The following TIAM1 variants were observed in gnomAD, a reference collection of about 807,000 sequenced individuals.
TIAM1 encodes the protein rho guanine nucleotide exchange factor TIAM1.
Under a neutral mutation model 163.5 loss-of-function variants are expected in TIAM1, and 65 were observed. That is an observed-to-expected ratio of 0.40 (90% confidence interval 0.33 to 0.49). The LOEUF is 0.49. Among genes scored for constraint, TIAM1 ranks in the 20% least tolerant of loss-of-function variants. The pLI is 0.77. For missense variants in TIAM1, 1,789 were observed against 2,044.7 expected (o/e 0.87, Z 2.41); for synonymous variants, 833 against 810.1 (o/e 1.03, Z -0.48).
chr21:31,338,253 GA>G (rs2147087575), intron 2 of TIAM1, among the ~76,000 whole-genome samples: 1 of 152,302 alleles, frequency 6.6e-6, no homozygotes, highest in African/African-American at 2.4e-5. Context: ...TGCAGGGTGG[GA>G]AACTCTAAAA....
intron 1 of TIAM1, among the ~76,000 whole-genome samples, chr21:31,545,047 G>T (rs1255077969): frequency 1.3e-5 from 2 of 151,500 alleles, no homozygotes; most frequent in Admixed American, 1.3e-4. Context: ...TTAATCCCTG[G>T]TACCTGTGAA....
chr21:31,153,227 A>G (rs560429656), intron 17 of TIAM1, 93 bp from the exon 18 acceptor site: 2 of 1,008,804 alleles, frequency 2.0e-6, no homozygotes, highest in Non-Finnish European at 2.8e-6. Context: ...ATGTCTATAA[A>G]AGGATCTAGA....
chr21:31,170,089 G>A (rs540848938), intron 15 of TIAM1, among the ~76,000 whole-genome samples: 21 of 152,158 alleles, frequency 1.4e-4, no homozygotes, highest in East Asian at 3.9e-4. Flanking sequence ...CAGGCTAAAC[G>A]TAATACTTAA....
chr21:31,455,109 G>T (rs1384675063), intron 2 of TIAM1, among the ~76,000 whole-genome samples: 1 of 151,936 alleles, frequency 6.6e-6, no homozygotes, highest in South Asian at 2.1e-4. Flanking sequence ...GGAGAAACCC[G>T]TTTCTACTAA....
At chr21:31,316,848 G>A (rs1168988746) in intron 2 of TIAM1, among the ~76,000 whole-genome samples, 1 of 152,168 alleles carries the variant, frequency 6.6e-6, no homozygotes, top group Non-Finnish European at 1.5e-5. Context: ...GACCACCGTG[G>A]ATCGTGAGGT....
chr21:31,305,365 A>G (rs189111808), intron 2 of TIAM1, among the ~76,000 whole-genome samples: 49 of 152,206 alleles, frequency 3.2e-4, no homozygotes, highest in African/African-American at 9.9e-4. Context: ...ACTCAGCAGC[A>G]AGGGGGTAGC....
intron 20 of TIAM1, among the ~76,000 whole-genome samples, chr21:31,145,287 T>C (rs546500386): frequency 5.9e-5 from 9 of 152,342 alleles, no homozygotes; most frequent in East Asian, 3.9e-4. Flanking sequence ...GAGATCTGTA[T>C]TGTGCTAATA....
chr21:31,144,456 T>C (rs899429301), intron 20 of TIAM1, among the ~76,000 whole-genome samples: 28 of 152,248 alleles, frequency 1.8e-4, no homozygotes, highest in Non-Finnish European at 2.9e-5. Flanking sequence ...AGGCCAGCTG[T>C]GAGTCCGCGA....
At chr21:31,130,092 T>C (rs1305801460) in intron 25 of TIAM1, 121 bp downstream of exon 25, 5 of 655,100 alleles carry the variant, frequency 7.6e-6, no homozygotes, top group Admixed American at 5.7e-5. Flanking sequence ...GAGTTAAGCA[T>C]AGGGAAAAAA....
chr21:31,449,852 C>T (rs1880284806), intron 2 of TIAM1, among the ~76,000 whole-genome samples: 1 of 152,180 alleles, frequency 6.6e-6, no homozygotes, highest in South Asian at 2.1e-4. Context: ...GAGGTCCCTG[C>T]AGATTGACCA....
rs972511387 is a variant in TIAM1, at chr21:31,438,337, G to A, written c.-369+25646C>T. Among the ~76,000 whole-genome samples the A allele has an allele frequency of 3.0e-4, 46 of 151,554 alleles. 1 individual carries two copies. Among genetic ancestry groups the A allele is most frequent in the African/African-American group, 1.0e-3 (41 of 41,186 alleles). ...CTCCCAAGTAGCTGGGATTACAGGC[G>A]CCTGCCACCATGCCCAGCTAATTTT... On this transcript the variant is annotated intron_variant, in intron 2 of 28. Coordinates refer to the TIAM1 transcript ENST00000286827.
intron 1 of TIAM1, among the ~76,000 whole-genome samples, chr21:31,517,048 C>CAAAAA (rs747446437): frequency 5.1e-4 from 33 of 64,762 alleles, no homozygotes; most frequent in Admixed American, 6.2e-4. Flanking sequence ...GACTCTGTCT[C>CAAAAA]AAAAAAAAAA....
At chr21:31,473,053 G>A (rs1374888700) in intron 1 of TIAM1, among the ~76,000 whole-genome samples, 7 of 152,090 alleles carry the variant, frequency 4.6e-5, no homozygotes, top group Non-Finnish European at 7.4e-5. Flanking sequence ...GAATGGCCTC[G>A]GTAAACAGAA....
At chr21:31,343,394 C>A (rs190110130) in intron 1 of TIAM1, among the ~76,000 whole-genome samples, 1 of 152,272 alleles carries the variant, frequency 6.6e-6, no homozygotes, top group Non-Finnish European at 1.5e-5. Flanking sequence ...ATGATCCCAG[C>A]CCCCAGCACC....
intron 2 of TIAM1, among the ~76,000 whole-genome samples, chr21:31,356,523 G>A (rs1166829909): frequency 6.6e-6 from 1 of 152,184 alleles, no homozygotes; most frequent in Non-Finnish European, 1.5e-5. Context: ...TAGATCATGA[G>A]ATCGGAGCCC....
intron 1 of TIAM1, among the ~76,000 whole-genome samples, chr21:31,542,806 T>C (rs187590910): frequency 9.9e-5 from 15 of 151,922 alleles, no homozygotes; most frequent in Admixed American, 8.5e-4. Context: ...CTGTCTCTAC[T>C]AAAAACACAA....
rs760139719 is a variant in TIAM1 at position 31,468,928 on chromosome 21, G to A, written c.-421-4893C>T. Among the ~76,000 whole-genome samples the A allele has an allele frequency of 1.5e-4, 23 of 152,118 alleles. No homozygotes were observed. In the East Asian group the frequency reaches 2.9e-3, roughly 19 times the overall value. On this transcript the variant is annotated intron_variant, in intron 1 of 28. Transcript: ENST00000286827. Reference sequence around the variant, plus strand: ...GGCACCACGGGCAGGGATGACTGTCGGAAGAGGGTCAAGACAGTAGGAACA... The same window carrying A: ...GGCACCACGGGCAGGGATGACTGTCAGAAGAGGGTCAAGACAGTAGGAACA...
intron 1 of TIAM1, among the ~76,000 whole-genome samples, chr21:31,490,741 T>G (rs1370339008): frequency 6.6e-6 from 1 of 152,212 alleles, no homozygotes; most frequent in African/African-American, 2.4e-5. Flanking sequence ...AGAGGCCAAC[T>G]GGTAGAAATG....
intron 2 of TIAM1, among the ~76,000 whole-genome samples, chr21:31,388,734 T>TA (rs1271155510): frequency 6.6e-6 from 1 of 152,164 alleles, no homozygotes; most frequent in Non-Finnish European, 1.5e-5. Flanking sequence ...CTTATGTTTT[T>TA]ATGCCTCAAT....
Sources: gnomAD v4.1 joint callset for allele counts (sites outside exome capture counted in the v4.1 genomes callset) on GRCh38, gnomAD v4.1.1 for gene constraint, MANE v1.5 for transcripts, NCBI Gene and HGNC (gene_info 2026-07-23, HGNC 2026-07-21) for gene names.